ARFIP2: variants seen among roughly 807,000 people sequenced by gnomAD.
The protein encoded by ARFIP2 is arfaptin-2.
A neutral mutation model predicts 39.2 loss-of-function variants in ARFIP2; 14 were observed. The ratio of observed to expected loss-of-function variants is 0.36; its 90% CI spans 0.24 to 0.56. The LOEUF is 0.56. Ranked by LOEUF, ARFIP2 falls within the 20% of genes least tolerant of loss-of-function variation. The pLI, the probability that ARFIP2 is intolerant of heterozygous loss-of-function variation, is 0.85. For synonymous variants in ARFIP2, 167 were observed against 172.4 expected, an observed-to-expected ratio of 0.97 and a Z score of 0.24; for missense variants, 305 against 422.5, an observed-to-expected ratio of 0.72 and a Z score of 2.44.
Position 6,477,844 on chromosome 11 carries a change from G to T in ARFIP2, c.744C>A (p.Gly248=). 6.2e-7 allele frequency: 1 copy of T among 1,613,978 alleles called. No homozygotes were observed. The highest frequency in any genetic ancestry group is 8.5e-7 in the Non-Finnish European group (1 of 1,179,966). ...YRTDLEELSL[G]PRDAGTRGRL... is the part of the protein sequence containing the mutation. ...GACCACGTGTCCCTGCATCCCGGGG[G>T]CCTAGACTCAGCTCCTCTAAGTCTG... Residue 248 remains glycine, a synonymous_variant, in exon 7 of 8, where the codon GGC becomes GGA. Coordinates refer to ENST00000396777, the MANE Select transcript of ARFIP2 (RefSeq NM_001376558.2). The surrounding 1 kb of genome is among the most constrained non-coding windows in gnomAD (Gnocchi z 4.8).
intron 1 of ARFIP2, 170 bp from the exon 2 acceptor site, chr11:6,480,633 C>G (rs1851641559): frequency 2.0e-6 from 1 of 500,210 alleles, no homozygotes; most frequent in East Asian, 3.5e-5. Context: ...ACATTTGAAA[C>G]AGGCACACCA....
At position 6,477,239 on chromosome 11, in the gene ARFIP2, G is replaced by C. The variant is rs761222248; in HGVS notation, c.900C>G (p.Leu300=). ...KIKVMHKQLL[L]FHNAVSAYFA... Reference sequence around the variant, plus strand: ...AGTAGGCGGACACAGCATTGTGGAAGAGCAGCAGCTGCTTGTGCATCACCT... The same window carrying C: ...AGTAGGCGGACACAGCATTGTGGAACAGCAGCAGCTGCTTGTGCATCACCT... The change falls in exon 8 of 8, where the codon CTC becomes CTG. Residue 300 remains leucine, a synonymous_variant. Coordinates refer to ENST00000396777, the MANE Select transcript of ARFIP2 (RefSeq NM_001376558.2). This position sits in a 1 kb window ranked among gnomAD's most constrained non-coding sequence, Gnocchi z 4.8. The C allele has an allele frequency of 9.9e-6, 16 of 1,613,634 alleles. No homozygotes were observed. Among genetic ancestry groups the C allele is most frequent in the Non-Finnish European group, 1.4e-5 (16 of 1,179,830 alleles).
In ARFIP2 at chr11:6,480,031, T is replaced by C; in HGVS notation, c.137A>G (p.Asn46Ser). Residue 46 changes from asparagine (N) to serine (S), a missense_variant, in exon 3 of 8, where the codon AAT (asparagine) becomes AGT (serine). Around this residue, in one of 3 missense-constraint regions of ARFIP2, gnomAD observed 151 missense variants for 203.1 expected, o/e 0.74. Transcript: ENST00000396777. ...GCCACCAGACACAATGCTGGTTTCA[T>C]TGAGGTTGGGTCCTGACACCATCAC... ...QQVMVSGPNL[N>S]ETSIVSGGYG... 1.2e-6 allele frequency: 2 copies of C among 1,614,040 alleles called. No homozygotes were observed. Among genetic ancestry groups the C allele is most frequent in the Non-Finnish European group, 1.7e-6 (2 of 1,179,982 alleles).
In ARFIP2 at chr11:6,480,568, G is replaced by C. The variant is rs978265299; in HGVS notation, c.-42-105C>G. 8 of 613,874 alleles carry C rather than the reference G, an allele frequency of 1.3e-5. No homozygotes were observed. In the South Asian group the frequency reaches 1.7e-4, roughly 13 times the overall value. 38.0% of individuals were successfully genotyped at this position (613,874 alleles called of 1,614,324 possible). A position where few individuals can be genotyped will look rare whatever the true frequency, so the allele number is the denominator to read the frequency against. On this transcript the variant is annotated intron_variant, in intron 1 of 7. Transcript: ENST00000396777. ...GCTGTCCCAGGGTTTGAGTGTCCCA[G>C]CGTTTGGCCATCATTCCTTTCTTCA...
intron 1 of ARFIP2, 131 bp from the exon 2 acceptor site, chr11:6,480,594 G>T: frequency 3.5e-6 from 2 of 568,654 alleles, no homozygotes; most frequent in Non-Finnish European, 6.1e-6. Context: ...CCTTTCTTCA[G>T]ATATATGTAT....
rs1851116260 is a variant in ARFIP2, at chr11:6,476,808, C to CAGGT, written c.*304_*305insACCT. 1 of 323,414 alleles carries CAGGT rather than the reference C, an allele frequency of 3.1e-6. No individual in the cohort carries two copies. Among genetic ancestry groups the CAGGT allele is most frequent in the African/African-American group, 2.1e-5 (1 of 47,562 alleles). 20.0% of individuals were successfully genotyped at this position (323,414 alleles called of 1,614,324 possible). On this transcript the variant is annotated 3_prime_UTR_variant, in exon 8 of 8. Transcript: ENST00000396777. ...TCTGTCATTGGTCAGGGAGCACACC[C>CAGGT]CAGCCTGAAGAGTGATGCCATTGGC...
At chr11:6,480,233 G>T (rs1851576255) in intron 2 of ARFIP2, 90 bp downstream of exon 2, 5 of 1,406,226 alleles carry the variant, frequency 3.6e-6, no homozygotes, top group Non-Finnish European at 5.0e-6. Context: ...AGATAAGTCA[G>T]GGGAAGGCTA....
chr11:6,481,173 T>G (rs1851726980), intron 1 of ARFIP2, 58 bp downstream of exon 1: 1 of 487,440 alleles, frequency 2.1e-6, no homozygotes. Context: ...CGGGGCATCT[T>G]GCCCTCTGGA....
rs748992460 is a variant in ARFIP2 at position 6,478,735 on chromosome 11, C to T, written c.537+3G>A. The T allele has an allele frequency of 2.5e-6, 4 of 1,607,674 alleles. No individual in the cohort carries two copies. Among genetic ancestry groups the T allele is most frequent in the Non-Finnish European group, 3.4e-6 (4 of 1,174,900 alleles). ...CCCACCCTCTTTGGTCTGGGTGAGG[C>T]ACCTGAAGCTCTGGGGACTTCTGGC... is the stretch of plus-strand genomic sequence containing the variant. On this transcript the variant is annotated splice_donor_region_variant and intron_variant, in intron 5 of 7. Transcript: ENST00000396777. This position sits in a 1 kb window ranked among gnomAD's most constrained non-coding sequence, Gnocchi z 4.8.
chr11:6,478,681 ACT>A lies in ARFIP2; in HGVS notation c.537+55_537+56del. 1 of 1,563,130 alleles carries A rather than the reference ACT, an allele frequency of 6.4e-7. No homozygotes were observed. The highest frequency in any genetic ancestry group is 8.7e-7 in the Non-Finnish European group (1 of 1,150,238). On this transcript the variant is annotated intron_variant, in intron 5 of 7. Coordinates refer to ENST00000396777, the MANE Select transcript of ARFIP2 (RefSeq NM_001376558.2). The surrounding 1 kb of genome is among the most constrained non-coding windows in gnomAD (Gnocchi z 4.8). The stretch of plus-strand genomic sequence containing the variant: ...CAGGAGGGAGGGAGGATGAGGAATG[ACT>A]GCCTGGGAGGGCCCATGCCCAGTTC...
intron 3 of ARFIP2, 180 bp from the exon 4 acceptor site, chr11:6,479,438 G>A: frequency 8.1e-7 from 1 of 1,237,204 alleles, no homozygotes. Context: ...ACCAAATCCT[G>A]ATATACATAT....
In ARFIP2 at chr11:6,478,729, G is replaced by T. The variant is rs1294010065; in HGVS notation, c.537+9C>A. On this transcript the variant is annotated intron_variant, in intron 5 of 7. Coordinates refer to ENST00000396777, the MANE Select transcript of ARFIP2 (RefSeq NM_001376558.2). This position sits in a 1 kb window ranked among gnomAD's most constrained non-coding sequence, Gnocchi z 4.8. ...AGTTCCCCCACCCTCTTTGGTCTGG[G>T]TGAGGCACCTGAAGCTCTGGGGACT... 6.2e-7 allele frequency: 1 copy of T among 1,607,344 alleles called. No individual in the cohort carries two copies. The highest frequency in any genetic ancestry group is 8.5e-7 in the Non-Finnish European group (1 of 1,174,680).
At chr11:6,479,921 C>T in intron 3 of ARFIP2, 51 bp downstream of exon 3, 11 of 1,556,108 alleles carry the variant, frequency 7.1e-6, no homozygotes, top group Non-Finnish European at 9.8e-6. Flanking sequence ...CTTCCCCAAA[C>T]CATTCCTGTC....
At position 6,477,232 on chromosome 11, in the gene ARFIP2, T is replaced by C. The variant is rs1199596454; in HGVS notation, c.907A>G (p.Asn303Asp). 1 of 1,613,636 alleles carries C rather than the reference T, an allele frequency of 6.2e-7. No individual in the cohort carries two copies. Among genetic ancestry groups the C allele is most frequent in the Non-Finnish European group, 8.5e-7 (1 of 1,179,824 alleles). Residue 303 changes from asparagine to aspartate, a missense_variant, in exon 8 of 8, where the codon AAT becomes GAT. Physicochemically the swap from Asn to Asp is conservative, Grantham distance 23. Around this residue, in one of 3 missense-constraint regions of ARFIP2, gnomAD observed 112 missense variants for 118.2 expected, o/e 0.95. Transcript: ENST00000396777. The surrounding 1 kb of genome is among the most constrained non-coding windows in gnomAD (Gnocchi z 4.8). ...VMHKQLLLFH[N>D]AVSAYFAGNQ... ...CCAGCAAAGTAGGCGGACACAGCAT[T>C]GTGGAAGAGCAGCAGCTGCTTGTGC... is the stretch of plus-strand genomic sequence containing the variant.
At chr11:6,479,517 G>A (rs769161889) in intron 3 of ARFIP2, 142 of 623,744 alleles carry the variant, frequency 2.3e-4, no homozygotes, top group Admixed American at 1.5e-3. Flanking sequence ...GGAAACAGAA[G>A]AAAATACACT....
chr11:6,480,132 G>A, intron 2 of ARFIP2, 64 bp from the exon 3 acceptor site: 1 of 1,476,126 alleles, frequency 6.8e-7, no homozygotes, highest in Non-Finnish European at 9.4e-7. Flanking sequence ...TTTGGAGGTG[G>A]GAACAAGTTT....
intron 1 of ARFIP2, chr11:6,480,997 C>T (rs572511639): frequency 2.2e-4 from 41 of 187,554 alleles, no homozygotes; most frequent in African/African-American, 8.6e-4. Flanking sequence ...CCCACCAGGC[C>T]TTAGTTAGAT....
intron 4 of ARFIP2, 90 bp downstream of exon 4, chr11:6,479,050 C>T (rs2134295657): frequency 6.3e-7 from 1 of 1,579,916 alleles, no homozygotes; most frequent in East Asian, 2.2e-5. Flanking sequence ...CTCCTACTCT[C>T]AGCCACAGAT....
Position 6,478,808 on chromosome 11 carries a change from C to T in ARFIP2, c.467G>A (p.Ser156Asn), listed in dbSNP as rs1198575516. The T allele has an allele frequency of 1.2e-6, 2 of 1,614,190 alleles. No individual in the cohort carries two copies. The highest frequency in any genetic ancestry group is 2.2e-5 in the South Asian group (2 of 91,082). ...CAGTGCATGCTGGGTCTGCAGCAGGCTGTAGAGGTGGGCTGTCAGTGCCCG... is the reference window on the plus strand; with the variant it reads ...CAGTGCATGCTGGGTCTGCAGCAGGTTGTAGAGGTGGGCTGTCAGTGCCCG... ...LGRALTAHLY[S>N]LLQTQHALGD... is the part of the protein sequence containing the mutation. Residue 156 changes from serine (S) to asparagine (N), a missense_variant, in exon 5 of 8, where the codon AGC becomes AAC. This residue lies in a region of ARFIP2 where 151 missense variants were observed against 203.1 expected (regional missense o/e 0.74). Coordinates refer to ENST00000396777, the MANE Select transcript of ARFIP2 (RefSeq NM_001376558.2). The surrounding 1 kb of genome is among the most constrained non-coding windows in gnomAD (Gnocchi z 4.8).
Sources: gnomAD v4.1 joint callset for allele counts on GRCh38, gnomAD v4.1.1 for gene constraint, gnomAD v4.1.1 regional missense constraint, Gnocchi (gnomAD v3.1) non-coding constraint, MANE v1.5 for transcripts, NCBI Gene and HGNC (gene_info 2026-07-23, HGNC 2026-07-21) for gene names.